The following ATP7B variants were observed in gnomAD, a reference collection of about 807,000 sequenced individuals.
ATP7B encodes copper-transporting ATPase 2.
ATP7B carries 113 observed loss-of-function variants against 118.9 expected under a neutral mutation model. The observed-to-expected ratio is 0.95, with a 90% CI of 0.82 to 1.11. The LOEUF is 1.11. Ranked by LOEUF, ATP7B falls within the 50% of genes most tolerant of loss-of-function variation. The pLI, the probability that ATP7B is intolerant of heterozygous loss-of-function variation, is 0.00. For missense variants in ATP7B, 1,867 were observed against 1,871.4 expected (o/e 1.00, Z 0.04); for synonymous variants, 777 against 727.4 (o/e 1.07, Z -1.10).
intron 12 of ATP7B, among the ~76,000 whole-genome samples, chr13:51,947,423 G>C (rs777716156): frequency 6.6e-6 from 1 of 152,138 alleles, no homozygotes; most frequent in Non-Finnish European, 1.5e-5. Context: ...TTTGCATTCT[G>C]AGAGCTTGAA....
intron 12 of ATP7B, among the ~76,000 whole-genome samples, chr13:51,948,224 A>AT (rs891542370): frequency 6.6e-6 from 1 of 152,068 alleles, no homozygotes; most frequent in Non-Finnish European, 1.5e-5. Context: ...TATGTGAAGG[A>AT]TTTTTTTTAA....
intron 1 of ATP7B, among the ~76,000 whole-genome samples, chr13:51,986,036 T>C (rs1025095271): frequency 2.6e-5 from 4 of 152,118 alleles, no homozygotes; most frequent in Non-Finnish European, 5.9e-5. Context: ...ATTCAAACGC[T>C]AGCAGAAGAC....
intron 1 of ATP7B, chr13:51,979,137 C>T (rs1952282586): frequency 6.6e-6 from 1 of 152,204 alleles, no homozygotes; most frequent in African/African-American, 2.4e-5. Context: ...TCTTATCAAA[C>T]CTCTGCTTGC....
upstream of ATP7B, chr13:52,012,012 C>T: frequency 5.5e-6 from 2 of 361,160 alleles, no homozygotes; most frequent in Non-Finnish European, 1.0e-5. Context: ...CAAGAGTGAA[C>T]TCCGCACCTG....
intron 9 of ATP7B, among the ~76,000 whole-genome samples, chr13:51,952,967 A>G (rs1190778796): frequency 2.0e-5 from 3 of 152,222 alleles, no homozygotes; most frequent in Admixed American, 6.5e-5. Context: ...TTATAGCCTC[A>G]TAACTAAAAG....
At chr13:51,952,242 C>A (rs188654250) in intron 9 of ATP7B, among the ~76,000 whole-genome samples, 3 of 152,352 alleles carry the variant, frequency 2.0e-5, no homozygotes, top group Admixed American at 6.5e-5. Flanking sequence ...AGGGCACCTA[C>A]GGCCCAGGGC....
At chr13:51,999,281 G>A (rs1188275290) in intron 1 of ATP7B, among the ~76,000 whole-genome samples, 1 of 152,152 alleles carries the variant, frequency 6.6e-6, no homozygotes, top group African/African-American at 2.4e-5. Context: ...CTAGGTGCTG[G>A]GAGCGGGGGA....
At chr13:51,999,846 G>A (rs1437897288) in intron 1 of ATP7B, among the ~76,000 whole-genome samples, 1 of 152,128 alleles carries the variant, frequency 6.6e-6, no homozygotes, top group Non-Finnish European at 1.5e-5. Flanking sequence ...CGCTCTCCGA[G>A]ACAGTGGTCC....
At chr13:51,977,020 T>C (rs763598113) in intron 1 of ATP7B, among the ~76,000 whole-genome samples, 10 of 152,082 alleles carry the variant, frequency 6.6e-5, no homozygotes, top group Non-Finnish European at 1.3e-4. Context: ...TAAATCAACA[T>C]AGCCAGACAG....
rs1196142320 is a variant in ATP7B at position 51,944,132 on chromosome 13, C to T, written c.3220G>A (p.Ala1074Thr). Residue 1074 changes from alanine to threonine, a missense_variant, in exon 14 of 21, where the codon GCA becomes ACA. Transcript: ENST00000242839. ...ACCTCTTTACAGTATTTGGTGACTG[C>T]CACGCCCAAGGGGTGTTCACTGCTG... ...EASSEHPLGV[A>T]VTKYCKEELG... The T allele has an allele frequency of 6.2e-7, 1 of 1,614,120 alleles. No individual in the cohort carries two copies. Among genetic ancestry groups the T allele is most frequent in the Non-Finnish European group, 8.5e-7 (1 of 1,180,020 alleles).
At chr13:51,956,213 A>G (rs2139440893) in intron 9 of ATP7B, among the ~76,000 whole-genome samples, 1 of 152,148 alleles carries the variant, frequency 6.6e-6, no homozygotes, top group Admixed American at 6.5e-5. Flanking sequence ...CCTCATGAAC[A>G]CTCATGCATC....
At chr13:51,980,040 A>C (rs1952337257) in intron 1 of ATP7B, among the ~76,000 whole-genome samples, 1 of 152,234 alleles carries the variant, frequency 6.6e-6, no homozygotes, top group African/African-American at 2.4e-5. Flanking sequence ...GTGTAGACAC[A>C]GGGCATATGC....
chr13:52,006,850 G>A (rs1953796039), intron 1 of ATP7B, among the ~76,000 whole-genome samples: 2 of 152,186 alleles, frequency 1.3e-5, no homozygotes, highest in South Asian at 2.1e-4. Flanking sequence ...TGCTCTTCCT[G>A]AAAGACCCAC....
chr13:51,985,460 TAATA>T (rs1952611150), intron 1 of ATP7B, among the ~76,000 whole-genome samples: 1 of 152,172 alleles, frequency 6.6e-6, no homozygotes, highest in Non-Finnish European at 1.5e-5. Context: ...TTCCACACAG[TAATA>T]GTGGGAGACT....
At chr13:51,969,067 G>T (rs1420511595) in intron 3 of ATP7B, among the ~76,000 whole-genome samples, 1 of 151,044 alleles carries the variant, frequency 6.6e-6, no homozygotes, top group African/African-American at 2.4e-5. Context: ...CACCATGTTG[G>T]TCAAGCTGGT....
chr13:51,958,277 A>G, intron 8 of ATP7B, 34 bp downstream of exon 8: 1 of 1,601,052 alleles, frequency 6.2e-7, no homozygotes, highest in South Asian at 1.1e-5. Context: ...TTACTGAAGG[A>G]GCAGCTCTTT....
At chr13:52,004,854 C>T (rs1953692915) in intron 1 of ATP7B, among the ~76,000 whole-genome samples, 1 of 152,190 alleles carries the variant, frequency 6.6e-6, no homozygotes, top group African/African-American at 2.4e-5. Flanking sequence ...TTCTCCAAGA[C>T]ATCCTCGGAA....
intron 1 of ATP7B, among the ~76,000 whole-genome samples, chr13:51,981,646 G>A (rs1952427469): frequency 6.6e-6 from 1 of 152,144 alleles, no homozygotes; most frequent in African/African-American, 2.4e-5. Context: ...GCCAGTGGGG[G>A]TTGGTCTCTA....
intron 4 of ATP7B, chr13:51,966,783 G>A: frequency 6.2e-7 from 1 of 1,605,456 alleles, no homozygotes; most frequent in Non-Finnish European, 8.5e-7. Flanking sequence ...GGCGCCTGCT[G>A]GACAGCAAAG....
Sources: gnomAD v4.1 joint callset for allele counts (sites outside exome capture counted in the v4.1 genomes callset) on GRCh38, gnomAD v4.1.1 for gene constraint, MANE v1.5 for transcripts, NCBI Gene and HGNC (gene_info 2026-07-23, HGNC 2026-07-21) for gene names.